Variants in PLCXD3 observed in about 807,000 individuals in gnomAD.
PLCXD3 encodes the protein phosphatidylinositol specific phospholipase C X domain containing 3.
In PLCXD3, 19 loss-of-function variants were observed where a neutral mutation model predicts 25.5. The observed-to-expected ratio is 0.75, with a 90% confidence interval of 0.52 to 1.09. The LOEUF (loss-of-function observed/expected upper bound fraction) is 1.09. Ranked by LOEUF, PLCXD3 falls within the 50% of genes least tolerant of loss-of-function variation. PLCXD3 has a pLI of 0.00. For missense variants in PLCXD3, 411 were observed against 388.1 expected, an observed-to-expected ratio of 1.06 and a Z score of -0.50; for synonymous variants, 174 against 137.6, an observed-to-expected ratio of 1.26 and a Z score of -1.85.
rs573342275 is a variant in PLCXD3 at position 41,308,882 on chromosome 5, G to A, written c.*4735C>T. On this transcript the variant is annotated 3_prime_UTR_variant, in exon 3 of 3. Transcript: ENST00000377801. The stretch of plus-strand genomic sequence containing the variant: ...ATATGAATTGATGTTTGATTATTAC[G>A]AAAAGCAATGGGGTACCTCACAAGG... The A allele has an allele frequency of 2.0e-5, 3 of 152,540 alleles. No individual in the cohort carries two copies. Among genetic ancestry groups the A allele is most frequent in the South Asian group, 2.1e-4 (1 of 4,826 alleles). 9.4% of individuals were successfully genotyped at this position (152,540 alleles called of 1,614,324 possible). A position where few individuals can be genotyped will look rare whatever the true frequency, so the allele number is the denominator to read the frequency against.
At chr5:41,455,601 A>T (rs1747735313) in intron 1 of PLCXD3, among the ~76,000 whole-genome samples, 1 of 151,956 alleles carries the variant, frequency 6.6e-6, no homozygotes, top group Non-Finnish European at 1.5e-5. Context: ...GAAAATGGGA[A>T]GTATAAAGTT....
At chr5:41,503,233 T>G (rs114061427) in intron 1 of PLCXD3, among the ~76,000 whole-genome samples, 1 of 152,186 alleles carries the variant, frequency 6.6e-6, no homozygotes, top group Non-Finnish European at 1.5e-5. Context: ...GAAATTAATA[T>G]GACCATTTAT....
chr5:41,386,438 C>G (rs1490773818), intron 1 of PLCXD3, among the ~76,000 whole-genome samples: 1 of 152,058 alleles, frequency 6.6e-6, no homozygotes, highest in Non-Finnish European at 1.5e-5. Context: ...ACTTCTCATT[C>G]TGTCATTTGG....
chr5:41,505,990 G>C (rs1749045621), intron 1 of PLCXD3, among the ~76,000 whole-genome samples: 1 of 152,228 alleles, frequency 6.6e-6, no homozygotes, highest in African/African-American at 2.4e-5. Flanking sequence ...GCCCTCTTTA[G>C]AGATACACTA....
rs187800054 is a variant in PLCXD3 at position 41,370,119 on chromosome 5, G to T, written c.812+11707C>A. Among the ~76,000 whole-genome samples the T allele has an allele frequency of 1.6e-3, 250 of 152,292 alleles. 2 individuals are homozygous for T. The highest frequency in any genetic ancestry group is 3.5e-3 in the Admixed American group (53 of 15,282). ...TAAGTGATGAGGGGGTGGAAGGAAA[G>T]AATATTTTAAAGGAAAAGTTCAAGA... On this transcript the variant is annotated intron_variant, in intron 2 of 2. Transcript: ENST00000377801.
intron 1 of PLCXD3, among the ~76,000 whole-genome samples, chr5:41,458,199 A>G (rs943793219): frequency 3.3e-5 from 5 of 151,932 alleles, no homozygotes; most frequent in Admixed American, 6.6e-5. Context: ...TGGTCAGTGT[A>G]ATACTTTAGA....
At chr5:41,437,684 T>C (rs1041845016) in intron 1 of PLCXD3, among the ~76,000 whole-genome samples, 2 of 152,172 alleles carry the variant, frequency 1.3e-5, no homozygotes, top group Non-Finnish European at 2.9e-5. Context: ...AGAAGAGTCG[T>C]AGGTCAGATA....
chr5:41,383,015 C>T (rs575090579), intron 1 of PLCXD3, among the ~76,000 whole-genome samples: 133 of 152,108 alleles, frequency 8.7e-4, no homozygotes, highest in African/African-American at 3.1e-3. Context: ...TGAAGTGTTA[C>T]CTCATTCACT....
chr5:41,464,599 A>G (rs1003869906), intron 1 of PLCXD3, among the ~76,000 whole-genome samples: 16 of 152,066 alleles, frequency 1.1e-4, no homozygotes, highest in Non-Finnish European at 1.9e-4. Context: ...TTGAAAAAAT[A>G]TCTATGGTAA....
At chr5:41,443,906 C>T (rs1258052192) in intron 1 of PLCXD3, among the ~76,000 whole-genome samples, 1 of 152,104 alleles carries the variant, frequency 6.6e-6, no homozygotes, top group Non-Finnish European at 1.5e-5. Flanking sequence ...TTCTTTTAAT[C>T]CTGCTCTATG....
At chr5:41,499,332 TTG>T (rs1748904864) in intron 1 of PLCXD3, among the ~76,000 whole-genome samples, 1 of 151,714 alleles carries the variant, frequency 6.6e-6, no homozygotes, top group African/African-American at 2.4e-5. Flanking sequence ...TAAAAATCAG[TTG>T]TGTTTTTATA....
rs774386675 is a variant in PLCXD3 at position 41,381,883 on chromosome 5, T to C, written c.755A>G (p.Lys252Arg). The C allele has an allele frequency of 3.7e-6, 6 of 1,613,094 alleles. No homozygotes were observed. Among genetic ancestry groups the C allele is most frequent in the Non-Finnish European group, 5.1e-6 (6 of 1,179,624 alleles). The change falls in exon 2 of 3, where the codon AAA becomes AGA. Residue 252 changes from lysine to arginine, a missense_variant. Coordinates refer to ENST00000377801, the MANE Select transcript of PLCXD3 (RefSeq NM_001005473.3). ...FFISQVVLTP[K>R]ASTVVKGVAS... ...CACCCCTTTGACCACAGTGCTAGCT[T>C]TGGGGGTCAGCACCACCTGAGATAT...
intron 1 of PLCXD3, among the ~76,000 whole-genome samples, chr5:41,500,243 C>T (rs1314538218): frequency 2.0e-5 from 3 of 151,670 alleles, no homozygotes; most frequent in Non-Finnish European, 3.0e-5. Flanking sequence ...TATTCAGCCA[C>T]AAAAAATAAT....
rs1745842632 is a variant in PLCXD3, at chr5:41,392,057, TA to T, written c.104-9524del. 3.3e-5 allele frequency among the ~76,000 whole-genome samples: 5 copies of T among 152,120 alleles called. No individual in the cohort carries two copies. In the South Asian group the frequency reaches 1.0e-3, roughly 32 times the overall value. On this transcript the variant is annotated intron_variant, in intron 1 of 2. Transcript: ENST00000377801. The stretch of plus-strand genomic sequence containing the variant: ...AACACAGTAAAACAGAAGGTAGACC[TA>T]TAAGGTTTTTGATTCTAGTCTCTGA...
At chr5:41,416,299 A>G (rs1561267061) in intron 1 of PLCXD3, among the ~76,000 whole-genome samples, 1 of 152,250 alleles carries the variant, frequency 6.6e-6, no homozygotes, top group Non-Finnish European at 1.5e-5. Context: ...TGGCTGGAAT[A>G]GAGGTTTCCT....
At chr5:41,329,815 A>G (rs919008888) in intron 2 of PLCXD3, among the ~76,000 whole-genome samples, 3 of 144,446 alleles carry the variant, frequency 2.1e-5, no homozygotes, top group African/African-American at 8.0e-5. Flanking sequence ...TTTATTATAT[A>G]TTAATTATTA....
intron 1 of PLCXD3, among the ~76,000 whole-genome samples, chr5:41,390,728 A>C (rs959270256): frequency 2.0e-5 from 3 of 152,178 alleles, no homozygotes; most frequent in Admixed American, 2.0e-4. Context: ...CAGAAAAAAA[A>C]ACAAAAACAC....
intron 1 of PLCXD3, among the ~76,000 whole-genome samples, chr5:41,402,592 G>A (rs1350307298): frequency 1.3e-5 from 2 of 151,746 alleles, no homozygotes; most frequent in African/African-American, 4.8e-5. Flanking sequence ...GGTTGATAAT[G>A]TGCAAGTCTT....
At chr5:41,356,067 C>T (rs1007705370) in intron 2 of PLCXD3, among the ~76,000 whole-genome samples, 2 of 150,726 alleles carry the variant, frequency 1.3e-5, no homozygotes, top group African/African-American at 4.9e-5. Flanking sequence ...GAGTTCGAGA[C>T]CAGCCTGCCT....
Sources: allele counts gnomAD v4.1 joint callset (sites outside exome capture counted in the v4.1 genomes callset), GRCh38; gene constraint gnomAD v4.1.1; transcripts MANE v1.5; gene names NCBI Gene and HGNC (gene_info 2026-07-23, HGNC 2026-07-21).